The following CNOT4 variants were observed in gnomAD, a reference collection of about 807,000 sequenced individuals.
CNOT4 encodes the protein CCR4-NOT transcription complex subunit 4.
A neutral mutation model predicts 73.8 loss-of-function variants in CNOT4; 8 were observed. The ratio of observed to expected loss-of-function variants is 0.11; its 90% CI spans 0.06 to 0.20. CNOT4 has a LOEUF of 0.20. Among genes scored for constraint, CNOT4 ranks in the 10% least tolerant of loss-of-function variants. The probability of loss-of-function intolerance (pLI) is 1.00; values close to 1 mark genes in which losing one functional copy is unlikely to be tolerated. For missense variants in CNOT4, 564 were observed against 883.4 expected, an observed-to-expected ratio of 0.64 and a Z score of 4.58; for synonymous variants, 293 against 321.1, an observed-to-expected ratio of 0.91 and a Z score of 0.94.
At chr7:135,456,690 G>T (rs1427489486) in intron 1 of CNOT4, among the ~76,000 whole-genome samples, 3 of 151,830 alleles carry the variant, frequency 2.0e-5, no homozygotes, top group African/African-American at 7.3e-5. Context: ...TTATAACTCG[G>T]TAAATGCTAT....
chr7:135,394,023 T>C lies in CNOT4; in HGVS notation c.1522A>G (p.Ile508Val), dbSNP rs1796540025. ...YPWMAFPRNSIMHLNHTANPT... is the reference protein window; with the variant it reads ...YPWMAFPRNSVMHLNHTANPT... ...TTTGCTGTGTGGTTCAAGTGCATGA[T>C]GCTATTGCGTGGAAAGGCCATCCAA... is the stretch of plus-strand genomic sequence containing the variant. Residue 508 changes from isoleucine (I) to valine (V), a missense_variant, in exon 10 of 12, where the codon ATC (isoleucine) becomes GTC (valine). Ile to Val is a conservative substitution (Grantham distance 29). Transcript: ENST00000541284. 6.8e-6 allele frequency: 11 copies of C among 1,614,104 alleles called. No individual in the cohort carries two copies. In the Middle Eastern group the frequency reaches 9.9e-4, roughly 145 times the overall value.
chr7:135,450,376 T>G (rs1233336621), intron 1 of CNOT4, among the ~76,000 whole-genome samples: 1 of 152,082 alleles, frequency 6.6e-6, no homozygotes, highest in Non-Finnish European at 1.5e-5. Flanking sequence ...TGGAGTGCAG[T>G]GGCGTGATCT....
In CNOT4 at chr7:135,407,888, C is replaced by T. The variant is rs573791446; in HGVS notation, c.821+2627G>A. The stretch of plus-strand genomic sequence containing the variant: ...TACAAATTCAATGTATTTTGAAACA[C>T]AAATAATTGATCAACTGATTGGGGA... On this transcript the variant is annotated intron_variant, in intron 7 of 11. Coordinates refer to ENST00000541284, the MANE Select transcript of CNOT4 (RefSeq NM_001190850.2). Among the ~76,000 whole-genome samples the T allele has an allele frequency of 1.2e-4, 18 of 152,276 alleles. No individual in the cohort carries two copies. The East Asian group carries it at 2.7e-3, about 23-fold the overall frequency.
intron 1 of CNOT4, among the ~76,000 whole-genome samples, chr7:135,473,905 C>T (rs1801808963): frequency 6.6e-6 from 1 of 151,942 alleles, no homozygotes; most frequent in Admixed American, 6.6e-5. Context: ...CTGTTTATGG[C>T]TTTCTTTCCA....
intron 10 of CNOT4, chr7:135,387,086 C>T (rs921754923): frequency 1.0e-6 from 1 of 984,320 alleles, no homozygotes; most frequent in African/African-American, 1.7e-5. Context: ...GAAGTCTTGG[C>T]CTCTTACAGT....
Position 135,384,688 on chromosome 7 carries a change from AG to A in CNOT4, c.1627+9229del, listed in dbSNP as rs1487499275. ...TACTGAATGAGCCTATCTTCTCTTC[AG>A]CACTGCCAGTCTCTTCCTCTCAATT... On this transcript the variant is annotated intron_variant, in intron 10 of 11. Coordinates refer to ENST00000541284, the MANE Select transcript of CNOT4 (RefSeq NM_001190850.2). 5 of 765,198 alleles carry A rather than the reference AG, an allele frequency of 6.5e-6. No homozygotes were observed. The African/African-American group carries it at 8.5e-5, about 13-fold the overall frequency. 47.4% of individuals were successfully genotyped at this position (765,198 alleles called of 1,614,324 possible).
intron 1 of CNOT4, among the ~76,000 whole-genome samples, chr7:135,496,910 G>A (rs1225023376): frequency 4.0e-5 from 6 of 151,558 alleles, no homozygotes; most frequent in East Asian, 2.0e-4. Context: ...AAGCTCAAGC[G>A]ATCCTCCCCA....
At chr7:135,404,398 C>A (rs1490676650) in intron 7 of CNOT4, among the ~76,000 whole-genome samples, 2 of 152,050 alleles carry the variant, frequency 1.3e-5, no homozygotes, top group African/African-American at 2.4e-5. Context: ...AGACCAGTGC[C>A]CTCTACACCA....
At chr7:135,401,260 C>G (rs963028002) in intron 7 of CNOT4, among the ~76,000 whole-genome samples, 12 of 152,184 alleles carry the variant, frequency 7.9e-5, no homozygotes, top group Admixed American at 7.2e-4. Flanking sequence ...ATTTCTTTTA[C>G]TTTCAGCATC....
intron 1 of CNOT4, among the ~76,000 whole-genome samples, chr7:135,453,775 T>A (rs903207820): frequency 6.9e-6 from 1 of 144,078 alleles, no homozygotes; most frequent in African/African-American, 2.5e-5. Context: ...AACATATATA[T>A]GGATACAAAA....
intron 2 of CNOT4, among the ~76,000 whole-genome samples, chr7:135,430,084 A>C (rs1798725983): frequency 6.6e-6 from 1 of 152,214 alleles, no homozygotes; most frequent in Non-Finnish European, 1.5e-5. Flanking sequence ...GCCAATCATG[A>C]ATTTAGAAAA....
chr7:135,480,484 T>C (rs1802301183), intron 1 of CNOT4, among the ~76,000 whole-genome samples: 1 of 152,220 alleles, frequency 6.6e-6, no homozygotes, highest in Non-Finnish European at 1.5e-5. Flanking sequence ...TCCTATTTGA[T>C]TAACTTCCCT....
At chr7:135,476,848 T>C (rs1277099957) in intron 1 of CNOT4, among the ~76,000 whole-genome samples, 1 of 152,094 alleles carries the variant, frequency 6.6e-6, no homozygotes, top group Non-Finnish European at 1.5e-5. Context: ...ATGGTACATG[T>C]CTGTAGTCCC....
chr7:135,450,542 C>T (rs1019152623), intron 1 of CNOT4, among the ~76,000 whole-genome samples: 7 of 152,074 alleles, frequency 4.6e-5, no homozygotes, highest in Admixed American at 1.3e-4. Flanking sequence ...TTGGTACAGA[C>T]GGGGTTTCAC....
At chr7:135,368,551 A>G (rs1399340331) in intron 10 of CNOT4, among the ~76,000 whole-genome samples, 1 of 152,222 alleles carries the variant, frequency 6.6e-6, no homozygotes, top group African/African-American at 2.4e-5. Context: ...TATGATTAAA[A>G]TATGCTACAT....
rs1324650797 is a variant in CNOT4 at position 135,395,669 on chromosome 7, G to A, written c.1094C>T (p.Pro365Leu). The change falls in exon 9 of 12, where the codon CCT becomes CTT. Residue 365 changes from proline to leucine, a missense_variant. Coordinates refer to ENST00000541284, the MANE Select transcript of CNOT4 (RefSeq NM_001190850.2). ...GAGGCTCTGTGGTTCTGGTGCTGTA[G>A]GCCAGTCACTGGATGTCTGTGGGGA... ...PSSPQTSSDW[P>L]TAPEPQSLFT... The A allele has an allele frequency of 4.3e-6, 7 of 1,614,032 alleles. No homozygotes were observed. The highest frequency in any genetic ancestry group is 2.2e-5 in the South Asian group (2 of 91,062).
intron 10 of CNOT4, among the ~76,000 whole-genome samples, chr7:135,381,261 T>C (rs765136049): frequency 1.9e-4 from 29 of 152,228 alleles, no homozygotes; most frequent in Non-Finnish European, 3.5e-4. Flanking sequence ...TGAAAATTGC[T>C]TTATATAAAA....
intron 10 of CNOT4, among the ~76,000 whole-genome samples, chr7:135,370,819 T>G (rs1408806584): frequency 6.6e-6 from 1 of 152,208 alleles, no homozygotes; most frequent in Non-Finnish European, 1.5e-5. Context: ...TAAGTTAAGT[T>G]TTGGGGTCCA....
chr7:135,502,150 A>G lies in CNOT4; in HGVS notation c.-93+7739T>C, dbSNP rs1012784866. ...GTCTCCAAAACCATGAGCCAAATAC[A>G]TTTCTGTCGATTATAATTATCCAGT... is the stretch of plus-strand genomic sequence containing the variant. On this transcript the variant is annotated intron_variant, in intron 1 of 11. Coordinates refer to ENST00000541284, the MANE Select transcript of CNOT4 (RefSeq NM_001190850.2). Among the ~76,000 whole-genome samples, 4 of 152,156 alleles carry G rather than the reference A, an allele frequency of 2.6e-5. No individual in the cohort carries two copies. The East Asian group carries it at 7.7e-4, about 29-fold the overall frequency.
Sources: allele counts gnomAD v4.1 joint callset (sites outside exome capture counted in the v4.1 genomes callset), GRCh38; gene constraint gnomAD v4.1.1; transcripts MANE v1.5; gene names NCBI Gene and HGNC (gene_info 2026-07-23, HGNC 2026-07-21).